Variants in PIP4K2A observed in about 807,000 individuals in gnomAD.
PIP4K2A encodes the protein phosphatidylinositol 5-phosphate 4-kinase type-2 alpha.
A neutral mutation model predicts 42.9 loss-of-function variants in PIP4K2A; 14 were observed. The ratio of observed to expected loss-of-function variants is 0.33; its 90% CI spans 0.22 to 0.51. PIP4K2A has a LOEUF of 0.51. PIP4K2A is among the 20% of genes least tolerant of loss of function. The pLI is 0.97. For synonymous variants in PIP4K2A, 192 were observed against 192.2 expected, an observed-to-expected ratio of 1.00 and a Z score of 0.01; for missense variants, 434 against 519.8, an observed-to-expected ratio of 0.83 and a Z score of 1.61.
chr10:22,676,525 A>G (rs967621516), intron 1 of PIP4K2A, among the ~76,000 whole-genome samples: 3 of 152,138 alleles, frequency 2.0e-5, no homozygotes, highest in African/African-American at 4.8e-5. Flanking sequence ...GGCACGATAC[A>G]GTTATAGGTG....
At chr10:22,576,716 T>A (rs1837132808) in intron 4 of PIP4K2A, among the ~76,000 whole-genome samples, 1 of 152,186 alleles carries the variant, frequency 6.6e-6, no homozygotes, top group South Asian at 2.1e-4. Flanking sequence ...TATGGAAGTG[T>A]TATCTATCTT....
chr10:22,586,859 T>C (rs10219113), intron 4 of PIP4K2A, among the ~76,000 whole-genome samples: 89,233 of 152,090 alleles, frequency 0.59, 26,856 homozygotes, highest in East Asian at 0.94. Flanking sequence ...TACTAGACAC[T>C]GCTCTGAGCA....
rs768953642 is a variant in PIP4K2A at position 22,591,739 on chromosome 10, C to T, written c.382G>A (p.Ala128Thr). 3.1e-6 allele frequency: 5 copies of T among 1,613,216 alleles called. No individual in the cohort carries two copies. Among genetic ancestry groups the T allele is most frequent in the Non-Finnish European group, 4.2e-6 (5 of 1,179,508 alleles). Residue 128 changes from alanine (A) to threonine (T), a missense_variant, in exon 4 of 10, where the codon GCC (alanine) becomes ACC (threonine). Around this residue, in one of 2 missense-constraint regions of PIP4K2A, gnomAD observed 395 missense variants for 444.5 expected, o/e 0.89. Transcript: ENST00000376573. ...GTGTGAAAACGAGCTCCACTGCGGGCCTGGGAGTCGTTGGGGAGGGGTGCG... is the reference window on the plus strand; with the variant it reads ...GTGTGAAAACGAGCTCCACTGCGGGTCTGGGAGTCGTTGGGGAGGGGTGCG... ...RSAPLPNDSQ[A>T]RSGARFHTSY...
chr10:22,633,648 G>C (rs1838601534), intron 1 of PIP4K2A, among the ~76,000 whole-genome samples: 1 of 152,156 alleles, frequency 6.6e-6, no homozygotes, highest in Non-Finnish European at 1.5e-5. Context: ...GGCAGGCGCT[G>C]AGTCCTTCTC....
intron 1 of PIP4K2A, among the ~76,000 whole-genome samples, chr10:22,613,788 G>A (rs560741931): frequency 1.3e-4 from 20 of 152,306 alleles, no homozygotes; most frequent in Admixed American, 8.5e-4. Flanking sequence ...CAACCCCAGG[G>A]TGCAGGTGCA....
chr10:22,571,684 C>G (rs576446184), intron 5 of PIP4K2A, among the ~76,000 whole-genome samples: 2 of 152,278 alleles, frequency 1.3e-5, no homozygotes, highest in East Asian at 3.9e-4. Context: ...TGAGAAATTA[C>G]CTCTTGTCAA....
Position 22,659,657 on chromosome 10 carries a change from T to TG in PIP4K2A, c.145-49941dup, listed in dbSNP as rs1839165727. 1.3e-5 allele frequency: 2 copies of TG among 152,088 alleles called. 1 individual carries two copies. Among genetic ancestry groups the TG allele is most frequent in the South Asian group, 4.2e-4 (2 of 4,808 alleles). The allele number at this position is 152,088 out of a possible 1,614,324, so 9.4% of individuals were successfully genotyped here. ...TGGTTTGATTCCCCCAAGATGCTAA[T>TG]GGGGGCAGGGCATGGTGGCAGGCGC... On this transcript the variant is annotated intron_variant, in intron 1 of 9. Transcript: ENST00000376573.
chr10:22,625,318 C>T lies in PIP4K2A; in HGVS notation c.145-15601G>A, dbSNP rs185125863. Among the ~76,000 whole-genome samples the T allele has an allele frequency of 5.7e-3, 869 of 152,272 alleles. 3 individuals carry two copies. Among genetic ancestry groups the T allele is most frequent in the South Asian group, 0.016 (75 of 4,826 alleles). ...ACTGCTTTCATGAAAAAATCTCTAA[C>T]GGAGAGCAAAAGATTTTCTGTAGTG... On this transcript the variant is annotated intron_variant, in intron 1 of 9. Coordinates refer to ENST00000376573, the MANE Select transcript of PIP4K2A (RefSeq NM_005028.5).
chr10:22,662,787 G>C (rs1839227886), intron 1 of PIP4K2A, among the ~76,000 whole-genome samples: 1 of 152,192 alleles, frequency 6.6e-6, no homozygotes, highest in Non-Finnish European at 1.5e-5. Context: ...CGCCACAATG[G>C]TGAGGACACC....
chr10:22,694,750 G>A (rs1839937235), intron 1 of PIP4K2A: 1 of 152,012 alleles, frequency 6.6e-6, no homozygotes, highest in African/African-American at 2.4e-5. Context: ...AAAGAGATGT[G>A]CTTTTGTATC....
At position 22,535,415 on chromosome 10, in the gene PIP4K2A, G is replaced by A. The variant is rs1835894504; in HGVS notation, c.*1786C>T. The A allele has an allele frequency of 6.6e-6, 1 of 152,212 alleles. No homozygotes were observed. The highest frequency in any genetic ancestry group is 1.5e-5 in the Non-Finnish European group (1 of 68,060). 9.4% of individuals were successfully genotyped at this position (152,212 alleles called of 1,614,324 possible). On this transcript the variant is annotated 3_prime_UTR_variant, in exon 10 of 10. Coordinates refer to ENST00000376573, the MANE Select transcript of PIP4K2A (RefSeq NM_005028.5). ...GATACCAAATCTACATAAAATGAGT[G>A]GACAGTATACGGAGGGCACGACTGC...
rs191394168 is a variant in PIP4K2A, at chr10:22,591,749, G to A, written c.372C>T (p.Asn124=). Residue 124 remains asparagine, a synonymous_variant, in exon 4 of 10, where the codon AAC becomes AAT. Coordinates refer to ENST00000376573, the MANE Select transcript of PIP4K2A (RefSeq NM_005028.5). The part of the protein sequence containing the change: ...NSLTRSAPLP[N]DSQARSGARF... Reference sequence around the variant, plus strand: ...GAGCTCCACTGCGGGCCTGGGAGTCGTTGGGGAGGGGTGCGCTCCTGGTCA... The same window carrying A: ...GAGCTCCACTGCGGGCCTGGGAGTCATTGGGGAGGGGTGCGCTCCTGGTCA... The A allele has an allele frequency of 3.2e-5, 51 of 1,612,732 alleles. No individual in the cohort carries two copies. In the East Asian group the frequency reaches 5.8e-4, roughly 18 times the overall value.
intron 1 of PIP4K2A, among the ~76,000 whole-genome samples, chr10:22,662,483 C>T (rs1171504): frequency 0.25 from 37,551 of 152,060 alleles, 4,919 homozygotes; most frequent in Non-Finnish European, 0.3. Flanking sequence ...TTTGTGCGTA[C>T]GACAATAGAT....
intron 1 of PIP4K2A, among the ~76,000 whole-genome samples, chr10:22,648,827 T>C (rs1838935773): frequency 6.6e-6 from 1 of 152,206 alleles, no homozygotes; most frequent in African/African-American, 2.4e-5. Flanking sequence ...ATTTGGCCAA[T>C]GAATACTAGA....
chr10:22,585,021 C>G (rs530436798), intron 4 of PIP4K2A, among the ~76,000 whole-genome samples: 1 of 152,322 alleles, frequency 6.6e-6, no homozygotes, highest in East Asian at 1.9e-4. Flanking sequence ...GACTCCCCGA[C>G]AGCCCCTCCA....
intron 1 of PIP4K2A, among the ~76,000 whole-genome samples, chr10:22,699,500 C>T (rs1045261057): frequency 1.3e-5 from 2 of 151,280 alleles, no homozygotes; most frequent in African/African-American, 4.9e-5. Flanking sequence ...TGGGAATGTG[C>T]GAAACTTGGG....
intron 1 of PIP4K2A, among the ~76,000 whole-genome samples, chr10:22,657,112 C>T (rs542405609): frequency 1.3e-5 from 2 of 152,320 alleles, no homozygotes; most frequent in East Asian, 1.9e-4. Context: ...TCTGCCCCAA[C>T]ATCTAATACT....
chr10:22,540,409 C>T (rs1425812530), intron 8 of PIP4K2A, among the ~76,000 whole-genome samples: 1 of 149,640 alleles, frequency 6.7e-6, no homozygotes, highest in Non-Finnish European at 1.5e-5. Context: ...TTGTGTATTG[C>T]TTTGGTGTGA....
intron 3 of PIP4K2A, among the ~76,000 whole-genome samples, chr10:22,603,223 A>G (rs2559524): frequency 0.74 from 112,519 of 152,082 alleles, 44,891 homozygotes; most frequent in East Asian, 0.9. Context: ...CAGGAGTCAC[A>G]GTAGGGGAAA....
Sources: allele counts gnomAD v4.1 joint callset (sites outside exome capture counted in the v4.1 genomes callset), GRCh38; gene constraint gnomAD v4.1.1; regional missense constraint gnomAD v4.1.1; transcripts MANE v1.5; gene names NCBI Gene and HGNC (gene_info 2026-07-23, HGNC 2026-07-21).